The following EPHA6 variants were observed in gnomAD, a reference collection of about 807,000 sequenced individuals.
EPHA6 encodes EPH receptor A6, also known as ephrin type-A receptor 6.
A neutral mutation model predicts 112.0 loss-of-function variants in EPHA6; 50 were observed. The ratio of observed to expected loss-of-function variants is 0.45; its 90% confidence interval spans 0.36 to 0.56. EPHA6 has a LOEUF of 0.56. Among genes scored for constraint, EPHA6 ranks in the 20% least tolerant of loss-of-function variants. The pLI is 0.00. For synonymous variants in EPHA6, 529 were observed against 490.7 expected (o/e 1.08, Z -1.03); for missense variants, 1,280 against 1,417.4 (o/e 0.90, Z 1.56).
chr3:97,331,898 C>T (rs1235564780), intron 5 of EPHA6, among the ~76,000 whole-genome samples: 1 of 152,174 alleles, frequency 6.6e-6, no homozygotes, highest in Non-Finnish European at 1.5e-5. Flanking sequence ...TCCTCCCTAA[C>T]TCATTTTATG....
chr3:97,101,306 C>G (rs2047396656), intron 3 of EPHA6, among the ~76,000 whole-genome samples: 2 of 152,020 alleles, frequency 1.3e-5, no homozygotes, highest in Admixed American at 6.6e-5. Flanking sequence ...CATTGAGTGG[C>G]TTTTCTAAAA....
At chr3:97,197,654 A>T (rs1350621974) in intron 3 of EPHA6, among the ~76,000 whole-genome samples, 1 of 151,940 alleles carries the variant, frequency 6.6e-6, no homozygotes, top group Non-Finnish European at 1.5e-5. Flanking sequence ...TGGGTGACAC[A>T]AATACTTTCT....
chr3:97,140,099 G>C (rs1294635293), intron 3 of EPHA6, among the ~76,000 whole-genome samples: 1 of 151,666 alleles, frequency 6.6e-6, no homozygotes, highest in Non-Finnish European at 1.5e-5. Flanking sequence ...GACAAAAGAG[G>C]TTTTCAGAAC....
intron 2 of EPHA6, 87 bp from the exon 3 acceptor site, chr3:96,987,243 T>A: frequency 8.4e-7 from 1 of 1,189,856 alleles, no homozygotes; most frequent in Non-Finnish European, 1.2e-6. Context: ...ATTTTTATTT[T>A]GGTAAAACAA....
At chr3:97,120,398 G>C (rs1349312478) in intron 3 of EPHA6, among the ~76,000 whole-genome samples, 1 of 151,444 alleles carries the variant, frequency 6.6e-6, no homozygotes, top group Non-Finnish European at 1.5e-5. Flanking sequence ...ATAAAACTTT[G>C]TGTGGCTATT....
At chr3:97,099,817 T>C (rs2047351298) in intron 3 of EPHA6, among the ~76,000 whole-genome samples, 1 of 152,026 alleles carries the variant, frequency 6.6e-6, no homozygotes, top group Non-Finnish European at 1.5e-5. Flanking sequence ...AATGATCATA[T>C]GGAGCAAAGT....
chr3:97,118,690 T>A (rs190046032), intron 3 of EPHA6, among the ~76,000 whole-genome samples: 1 of 151,924 alleles, frequency 6.6e-6, no homozygotes, highest in Admixed American at 6.6e-5. Context: ...AAAGTCCTAT[T>A]TCCAGTCTAT....
At chr3:97,026,097 C>G (rs1002773969) in intron 3 of EPHA6, among the ~76,000 whole-genome samples, 6 of 144,674 alleles carry the variant, frequency 4.1e-5, no homozygotes, top group African/African-American at 1.5e-4. Context: ...GTTCTCTATT[C>G]TGTCCCACTG....
intron 1 of EPHA6, among the ~76,000 whole-genome samples, chr3:96,816,391 A>G (rs1326119068): frequency 1.3e-5 from 2 of 152,140 alleles, no homozygotes; most frequent in African/African-American, 4.8e-5. Context: ...GGTGGTATAT[A>G]CCATCACACT....
intron 13 of EPHA6, among the ~76,000 whole-genome samples, chr3:97,618,922 C>T (rs1022209980): frequency 5.9e-5 from 9 of 152,060 alleles, no homozygotes; most frequent in African/African-American, 2.2e-4. Context: ...ATGAGGCCAG[C>T]ATCTTCCTGA....
At chr3:97,046,836 A>G (rs912978558) in intron 3 of EPHA6, among the ~76,000 whole-genome samples, 17 of 152,148 alleles carry the variant, frequency 1.1e-4, no homozygotes, top group Non-Finnish European at 1.5e-5. Flanking sequence ...ACTTTATTAA[A>G]GATCAAAAAC....
intron 3 of EPHA6, among the ~76,000 whole-genome samples, chr3:97,136,330 G>A (rs2075768118): frequency 6.6e-6 from 1 of 152,096 alleles, no homozygotes; most frequent in Non-Finnish European, 1.5e-5. Context: ...GCATGGTAGA[G>A]ACTATCACAA....
chr3:97,650,270 G>A (rs1327962951), intron 14 of EPHA6, among the ~76,000 whole-genome samples: 1 of 152,038 alleles, frequency 6.6e-6, no homozygotes, highest in Non-Finnish European at 1.5e-5. Flanking sequence ...TGTCTGGGAT[G>A]GTAGTTTCAG....
At chr3:97,092,180 A>G (rs986390456) in intron 3 of EPHA6, among the ~76,000 whole-genome samples, 2 of 151,942 alleles carry the variant, frequency 1.3e-5, no homozygotes, top group Non-Finnish European at 2.9e-5. Context: ...CTGGGAAAGC[A>G]CAGCTTTGAT....
chr3:97,508,984 C>CTT (rs141763479), intron 10 of EPHA6, among the ~76,000 whole-genome samples: 2 of 22,332 alleles, frequency 9.0e-5, no homozygotes, highest in Non-Finnish European at 1.9e-4. Flanking sequence ...GCATCCCTGG[C>CTT]TTTTTTTTTT....
chr3:96,828,768 A>G (rs2033828584), intron 1 of EPHA6, among the ~76,000 whole-genome samples: 1 of 152,052 alleles, frequency 6.6e-6, no homozygotes, highest in Non-Finnish European at 1.5e-5. Context: ...GAGCTTCCTA[A>G]TACGTTTTGG....
At chr3:97,598,435 TC>T (rs2093613507) in intron 12 of EPHA6, among the ~76,000 whole-genome samples, 1 of 106,062 alleles carries the variant, frequency 9.4e-6, no homozygotes, top group African/African-American at 3.7e-5. Context: ...CCCACCACAG[TC>T]CCCAGAGTGT....
chr3:96,892,420 G>A (rs1041654000), intron 2 of EPHA6, among the ~76,000 whole-genome samples: 6 of 151,780 alleles, frequency 4.0e-5, no homozygotes, highest in African/African-American at 1.2e-4. Context: ...ATAGAGTTTC[G>A]CCGTATTGGC....
At chr3:97,025,395 T>C (rs1257968758) in intron 3 of EPHA6, among the ~76,000 whole-genome samples, 1 of 152,146 alleles carries the variant, frequency 6.6e-6, no homozygotes, top group Admixed American at 6.6e-5. Context: ...AATTTTATAC[T>C]AGTCTTTTGC....
Sources: gnomAD v4.1 joint callset for allele counts (sites outside exome capture counted in the v4.1 genomes callset) on GRCh38, gnomAD v4.1.1 for gene constraint, MANE v1.5 for transcripts, NCBI Gene and HGNC (gene_info 2026-07-23, HGNC 2026-07-21) for gene names.